CADM1: variants seen among roughly 807,000 people sequenced by gnomAD.
CADM1 encodes cell adhesion molecule 1.
CADM1 carries 15 observed loss-of-function variants against 53.1 expected under a neutral mutation model. The ratio of observed to expected loss-of-function variants is 0.28; its 90% CI spans 0.19 to 0.44. The LOEUF is 0.44. Among genes scored for constraint, CADM1 ranks in the 20% least tolerant of loss-of-function variants. The pLI, the probability that CADM1 is intolerant of heterozygous loss-of-function variation, is 1.00. For synonymous variants in CADM1, 281 were observed against 243.0 expected, an observed-to-expected ratio of 1.16 and a Z score of -1.45; for missense variants, 434 against 611.3, an observed-to-expected ratio of 0.71 and a Z score of 3.06.
chr11:115,308,970 A>G (rs1023617522), intron 1 of CADM1, among the ~76,000 whole-genome samples: 3 of 152,138 alleles, frequency 2.0e-5, no homozygotes, highest in Non-Finnish European at 4.4e-5. Flanking sequence ...GTGTTACACA[A>G]AAGGTAGAGA....
intron 10 of CADM1, among the ~76,000 whole-genome samples, chr11:115,187,627 G>C (rs762035692): frequency 5.3e-5 from 8 of 152,188 alleles, no homozygotes; most frequent in Non-Finnish European, 1.0e-4. Context: ...TTTTAGTAGA[G>C]ATGGGGTTTT....
At chr11:115,432,379 T>G (rs1948078550) in intron 1 of CADM1, among the ~76,000 whole-genome samples, 1 of 152,018 alleles carries the variant, frequency 6.6e-6, no homozygotes, top group Non-Finnish European at 1.5e-5. Context: ...ACATACTAAA[T>G]AAACAAAAAT....
chr11:115,321,047 T>G lies in CADM1; in HGVS notation c.125-80627A>C, dbSNP rs533813093. On this transcript the variant is annotated intron_variant, in intron 1 of 11. Coordinates refer to ENST00000331581, the MANE Select transcript of CADM1 (RefSeq NM_001301043.2). ...AGCCAGTAAGTGAATGTATTTCATT[T>G]TGATGATTTCATATATTGCATTAAT... Among the ~76,000 whole-genome samples the G allele has an allele frequency of 7.2e-5, 11 of 152,292 alleles. No homozygotes were observed. In the South Asian group the frequency reaches 1.9e-3, roughly 26 times the overall value.
chr11:115,325,551 AAAC>A (rs950763415), intron 1 of CADM1, among the ~76,000 whole-genome samples: 3 of 152,222 alleles, frequency 2.0e-5, no homozygotes, highest in Non-Finnish European at 2.9e-5. Flanking sequence ...TAAAATTTTT[AAAC>A]AACAGCAGCC....
chr11:115,474,546 T>A (rs1052728088), intron 1 of CADM1, among the ~76,000 whole-genome samples: 1 of 151,588 alleles, frequency 6.6e-6, no homozygotes, highest in Non-Finnish European at 1.5e-5. Context: ...ATGTCCTTTA[T>A]AGGGACATGA....
chr11:115,245,104 A>G, intron 1 of CADM1, among the ~76,000 whole-genome samples: 1 of 152,248 alleles, frequency 6.6e-6, no homozygotes, highest in East Asian at 1.9e-4. Context: ...TGTTACTGAC[A>G]TAGAGAAGGA....
At chr11:115,418,957 G>A (rs1005695433) in intron 1 of CADM1, among the ~76,000 whole-genome samples, 1 of 152,124 alleles carries the variant, frequency 6.6e-6, no homozygotes, top group Non-Finnish European at 1.5e-5. Flanking sequence ...AAATATTACA[G>A]AAGAAAGGAA....
chr11:115,399,904 G>C (rs1166360600), intron 1 of CADM1, among the ~76,000 whole-genome samples: 2 of 152,104 alleles, frequency 1.3e-5, no homozygotes, highest in Non-Finnish European at 2.9e-5. Context: ...ATGAGAGCAG[G>C]CTGTAGGATA....
chr11:115,366,086 T>G (rs181039385), intron 1 of CADM1, among the ~76,000 whole-genome samples: 1 of 152,340 alleles, frequency 6.6e-6, no homozygotes, highest in African/African-American at 2.4e-5. Context: ...CAGGACACAT[T>G]TATTTCTGTC....
rs1938908755 is a variant in CADM1, at chr11:115,174,216, A to C, written c.*2258T>G. 1 of 985,346 alleles carries C rather than the reference A, an allele frequency of 1.0e-6. No individual in the cohort carries two copies. Among genetic ancestry groups the C allele is most frequent in the Non-Finnish European group, 1.2e-6 (1 of 829,912 alleles). 61.0% of individuals were successfully genotyped at this position (985,346 alleles called of 1,614,324 possible). On this transcript the variant is annotated 3_prime_UTR_variant, in exon 12 of 12. Transcript: ENST00000331581. ...ACTACTGTACACTTTTCAAAACAGA[A>C]AGATGGGAGGTCCCAAAAATGAGAT... is the stretch of plus-strand genomic sequence containing the variant.
intron 1 of CADM1, among the ~76,000 whole-genome samples, chr11:115,468,612 G>A (rs750218817): frequency 2.6e-5 from 4 of 152,040 alleles, no homozygotes; most frequent in South Asian, 2.1e-4. Flanking sequence ...AATGGAAGGG[G>A]GACAGCACCT....
At chr11:115,272,694 G>A (rs983052963) in intron 1 of CADM1, among the ~76,000 whole-genome samples, 6 of 137,186 alleles carry the variant, frequency 4.4e-5, no homozygotes, top group East Asian at 2.2e-4. Flanking sequence ...GACCTATTTC[G>A]ATCTAGTTTT....
At chr11:115,236,232 C>T (rs1026345086) in intron 3 of CADM1, among the ~76,000 whole-genome samples, 8 of 152,170 alleles carry the variant, frequency 5.3e-5, no homozygotes, top group African/African-American at 1.9e-4. Context: ...GAAGATGCTA[C>T]TGTCATTCTT....
chr11:115,425,140 G>A (rs1240958856), intron 1 of CADM1, among the ~76,000 whole-genome samples: 3 of 152,156 alleles, frequency 2.0e-5, no homozygotes, highest in Non-Finnish European at 2.9e-5. Flanking sequence ...ATGGCTCCCT[G>A]AATGTTTTTA....
chr11:115,195,396 G>T (rs1206744643), intron 9 of CADM1, among the ~76,000 whole-genome samples: 1 of 152,166 alleles, frequency 6.6e-6, no homozygotes, highest in East Asian at 1.9e-4. Flanking sequence ...CAAAGGGAAA[G>T]CTTTAAAAAT....
intron 1 of CADM1, among the ~76,000 whole-genome samples, chr11:115,448,177 G>A (rs1948493966): frequency 6.6e-6 from 1 of 152,128 alleles, no homozygotes; most frequent in South Asian, 2.1e-4. Context: ...AAATGATTGA[G>A]TACCTCTCAT....
intron 9 of CADM1, among the ~76,000 whole-genome samples, chr11:115,194,769 T>C (rs1358829915): frequency 2.6e-5 from 4 of 151,834 alleles, no homozygotes; most frequent in Non-Finnish European, 5.9e-5. Flanking sequence ...TTCCAGACCA[T>C]GGGCATGCTG....
rs7950362 is a variant in CADM1, at chr11:115,173,298, T to C, written c.*3176A>G. On this transcript the variant is annotated 3_prime_UTR_variant, in exon 12 of 12. Coordinates refer to ENST00000331581, the MANE Select transcript of CADM1 (RefSeq NM_001301043.2). ...AGGGGATGAGTGCGGAAGACACATC[T>C]ACGGGAGCGGCCTGTTCCGGCGGGC... 151,363 of 152,458 alleles carry C rather than the reference T, an allele frequency of 0.99. 75,148 individuals are homozygous for C. The highest frequency in any genetic ancestry group is 1 in the Non-Finnish European group (68,122 of 68,122). 9.4% of individuals were successfully genotyped at this position (152,458 alleles called of 1,614,324 possible).
At position 115,209,641 on chromosome 11, in the gene CADM1, G is replaced by T. The variant is rs1940859105; in HGVS notation, c.1011C>A (p.Ile337=). ...TGGTGGTGGTTGTTGTGGGAGGAGGGATAGTTGTGGGGGGATCTGGATAGA... is the reference window on the plus strand; with the variant it reads ...TGGTGGTGGTTGTTGTGGGAGGAGGTATAGTTGTGGGGGGATCTGGATAGA... The part of the protein sequence containing the change: ...MLYVYDPPTT[I]PPPTTTTTTT... The change falls in exon 8 of 12, where the codon ATC becomes ATA. Residue 337 remains isoleucine (I), a synonymous_variant. Coordinates refer to ENST00000331581, the MANE Select transcript of CADM1 (RefSeq NM_001301043.2). 2 of 1,612,922 alleles carry T rather than the reference G, an allele frequency of 1.2e-6. No homozygotes were observed. The highest frequency in any genetic ancestry group is 1.7e-6 in the Non-Finnish European group (2 of 1,179,764).
Sources: gnomAD v4.1 joint callset for allele counts (sites outside exome capture counted in the v4.1 genomes callset) on GRCh38, gnomAD v4.1.1 for gene constraint, MANE v1.5 for transcripts, NCBI Gene and HGNC (gene_info 2026-07-23, HGNC 2026-07-21) for gene names.